SUMF1: variants seen among roughly 807,000 people sequenced by gnomAD.
SUMF1 encodes the protein sulfatase modifying factor 1.
A neutral mutation model predicts 47.6 loss-of-function variants in SUMF1; 48 were observed. The ratio of observed to expected loss-of-function variants is 1.01; its 90% CI spans 0.80 to 1.28. The LOEUF (loss-of-function observed/expected upper bound fraction) is 1.28. Ranked by LOEUF, SUMF1 falls within the 50% of genes most tolerant of loss-of-function variation. The pLI, the probability that SUMF1 is intolerant of heterozygous loss-of-function variation, is 0.00. For missense variants in SUMF1, 571 were observed against 485.4 expected (o/e 1.18, Z -1.66); for synonymous variants, 230 against 192.1 (o/e 1.20, Z -1.63).
At chr3:4,283,745 G>T (rs918589038) in intron 8 of SUMF1, among the ~76,000 whole-genome samples, 1 of 152,190 alleles carries the variant, frequency 6.6e-6, no homozygotes, top group Non-Finnish European at 1.5e-5. Flanking sequence ...ATAGAATACT[G>T]TAGACTGGGT....
Position 4,214,484 on chromosome 3 carries a change from G to A in SUMF1, c.1015-145739C>T, listed in dbSNP as rs547526707. 1.5e-3 allele frequency among the ~76,000 whole-genome samples: 227 copies of A among 151,990 alleles called. 2 individuals are homozygous for A. The highest frequency in any genetic ancestry group is 5.1e-3 in the African/African-American group (212 of 41,476). On this transcript the variant is annotated intron_variant and NMD_transcript_variant, in intron 8 of 12. Coordinates refer to the SUMF1 transcript ENST00000448413. ...GATCTAAAATTGACACCCTAACATC[G>A]CAATGAAAAGAACTCGAGAAGCAAC...
At chr3:4,313,465 C>A in intron 8 of SUMF1, 1 of 1,613,900 alleles carries the variant, frequency 6.2e-7, no homozygotes, top group Non-Finnish European at 8.5e-7. Context: ...CTCAATGGTA[C>A]CTAAGTTGGC....
At chr3:4,079,334 A>G (rs775087985) in intron 8 of SUMF1, among the ~76,000 whole-genome samples, 1 of 152,122 alleles carries the variant, frequency 6.6e-6, no homozygotes, top group Non-Finnish European at 1.5e-5. Context: ...GGTTTACCTC[A>G]CATGCCCATT....
At chr3:4,177,705 G>T (rs971124859) in intron 8 of SUMF1, among the ~76,000 whole-genome samples, 1 of 151,894 alleles carries the variant, frequency 6.6e-6, no homozygotes, top group African/African-American at 2.4e-5. Flanking sequence ...AGAAGTGAAG[G>T]AGATAGAGAC....
intron 8 of SUMF1, among the ~76,000 whole-genome samples, chr3:4,186,058 T>C (rs1273920027): frequency 6.6e-6 from 1 of 152,196 alleles, no homozygotes; most frequent in Admixed American, 6.5e-5. Flanking sequence ...CAATTGTGTT[T>C]CTATTCCAGT....
At chr3:4,109,030 T>C (rs1693225950) in intron 8 of SUMF1, among the ~76,000 whole-genome samples, 1 of 152,180 alleles carries the variant, frequency 6.6e-6, no homozygotes, top group Non-Finnish European at 1.5e-5. Context: ...CCATGGTCTT[T>C]ACAATTTGGC....
chr3:4,388,822 A>G (rs1158148745), intron 7 of SUMF1, among the ~76,000 whole-genome samples: 1 of 152,158 alleles, frequency 6.6e-6, no homozygotes, highest in East Asian at 1.9e-4. Flanking sequence ...TAAATGTATC[A>G]GTCTACTCAT....
At chr3:4,175,086 T>G (rs1694928607) in intron 8 of SUMF1, among the ~76,000 whole-genome samples, 1 of 152,172 alleles carries the variant, frequency 6.6e-6, no homozygotes, top group Admixed American at 6.5e-5. Context: ...GCCTCTAGAC[T>G]CCACCTCTCT....
intron 8 of SUMF1, among the ~76,000 whole-genome samples, chr3:4,090,447 T>C (rs1158719420): frequency 6.6e-6 from 1 of 152,052 alleles, no homozygotes; most frequent in Non-Finnish European, 1.5e-5. Flanking sequence ...CAAGGTCAGT[T>C]CCCACCTTGT....
intron 8 of SUMF1, among the ~76,000 whole-genome samples, chr3:4,265,518 G>C (rs891945838): frequency 4.6e-5 from 7 of 152,048 alleles, no homozygotes; most frequent in Admixed American, 3.3e-4. Context: ...ATTGTTCCAA[G>C]CTTACCTAGC....
intron 9 of SUMF1, among the ~76,000 whole-genome samples, chr3:4,065,409 T>C (rs769639327): frequency 6.6e-6 from 1 of 152,108 alleles, no homozygotes; most frequent in Non-Finnish European, 1.5e-5. Flanking sequence ...AATCTGCAGT[T>C]CAAGTTTCCA....
chr3:4,397,395 A>G (rs1701073602), intron 7 of SUMF1, among the ~76,000 whole-genome samples: 1 of 152,340 alleles, frequency 6.6e-6, no homozygotes, highest in Non-Finnish European at 1.5e-5. Flanking sequence ...AGGGCCGCAT[A>G]TGGTTCTAAG....
rs17040575 is a variant in SUMF1 at position 4,376,305 on chromosome 3, A to C, written c.1014+25T>G. The C allele has an allele frequency of 3.9e-3, 6,263 of 1,614,026 alleles. 182 individuals are homozygous for C. In the Admixed American group the frequency reaches 0.061, roughly 16 times the overall value. ...AAACTGCTATCAGAACAAGAACGGC[A>C]AAACAGTTTAGTGACATGACTTACC... On this transcript the variant is annotated intron_variant, in intron 8 of 8. Coordinates refer to ENST00000272902, the MANE Select transcript of SUMF1 (RefSeq NM_182760.4).
chr3:4,268,262 G>A (rs1427644556), intron 8 of SUMF1, among the ~76,000 whole-genome samples: 2 of 151,968 alleles, frequency 1.3e-5, no homozygotes, highest in Admixed American at 6.6e-5. Flanking sequence ...GGGAGGGATA[G>A]CATTGGGAGA....
At chr3:4,231,911 A>G (rs1031055261) in intron 8 of SUMF1, among the ~76,000 whole-genome samples, 1 of 152,144 alleles carries the variant, frequency 6.6e-6, no homozygotes, top group African/African-American at 2.4e-5. Context: ...AATTCATTAC[A>G]TGTTTTATTA....
chr3:4,455,517 G>C (rs1257613764), intron 1 of SUMF1, among the ~76,000 whole-genome samples: 3 of 152,084 alleles, frequency 2.0e-5, no homozygotes, highest in Non-Finnish European at 4.4e-5. Context: ...AGAATTTCAG[G>C]CCAGCCTGGC....
chr3:4,156,113 C>T (rs1344304597), intron 8 of SUMF1, among the ~76,000 whole-genome samples: 2 of 151,472 alleles, frequency 1.3e-5, no homozygotes, highest in Non-Finnish European at 2.9e-5. Context: ...ATTGCCTTCC[C>T]ACCACCATAA....
At chr3:4,131,706 G>A (rs533104026) in intron 8 of SUMF1, among the ~76,000 whole-genome samples, 1 of 152,282 alleles carries the variant, frequency 6.6e-6, no homozygotes, top group East Asian at 1.9e-4. Context: ...AGAGGTACGT[G>A]GATGAACCTC....
chr3:4,349,774 A>G (rs964570588), intron 8 of SUMF1, among the ~76,000 whole-genome samples: 2 of 152,158 alleles, frequency 1.3e-5, no homozygotes, highest in African/African-American at 4.8e-5. Context: ...CACAAGTGAG[A>G]GTTGAACATT....
Sources: gnomAD v4.1 joint callset for allele counts (sites outside exome capture counted in the v4.1 genomes callset) on GRCh38, gnomAD v4.1.1 for gene constraint, MANE v1.5 for transcripts, NCBI Gene and HGNC (gene_info 2026-07-23, HGNC 2026-07-21) for gene names.